Variants in DNAJC1 observed in about 807,000 individuals in gnomAD.
DNAJC1 encodes the protein DnaJ heat shock protein family (Hsp40) member C1.
DNAJC1 carries 58 observed loss-of-function variants against 76.6 expected under a neutral mutation model. The ratio of observed to expected loss-of-function variants is 0.76; its 90% CI spans 0.61 to 0.94. The LOEUF is 0.94. DNAJC1 is among the 40% of genes least tolerant of loss of function. DNAJC1 has a pLI of 0.00. For missense variants in DNAJC1, 689 were observed against 677.3 expected (o/e 1.02, Z -0.19); for synonymous variants, 258 against 267.9 (o/e 0.96, Z 0.36).
intron 8 of DNAJC1, among the ~76,000 whole-genome samples, chr10:21,874,888 T>C (rs1836159278): frequency 1.3e-5 from 2 of 151,814 alleles, no homozygotes; most frequent in South Asian, 4.2e-4. Context: ...TTTGTTTTTT[T>C]GTGTGTGTGT....
intron 5 of DNAJC1, among the ~76,000 whole-genome samples, chr10:21,919,602 A>AG (rs991033160): frequency 1.1e-4 from 16 of 151,938 alleles, no homozygotes; most frequent in African/African-American, 3.6e-4. Flanking sequence ...GAAGAATTTG[A>AG]GGGATTATTT....
At chr10:21,775,892 T>C (rs1355504871) in intron 9 of DNAJC1, among the ~76,000 whole-genome samples, 2 of 152,088 alleles carry the variant, frequency 1.3e-5, no homozygotes, top group Non-Finnish European at 2.9e-5. Context: ...TTTTGGACAG[T>C]CCAATGTGTA....
intron 9 of DNAJC1, among the ~76,000 whole-genome samples, chr10:21,786,610 C>T (rs1409125050): frequency 6.6e-6 from 1 of 151,724 alleles, no homozygotes; most frequent in East Asian, 1.9e-4. Context: ...CTCAGCCTCC[C>T]GCGTAGCAGG....
chr10:21,847,930 G>C (rs1390220605), intron 8 of DNAJC1, among the ~76,000 whole-genome samples: 1 of 152,050 alleles, frequency 6.6e-6, no homozygotes, highest in Admixed American at 6.6e-5. Context: ...TGGGCATGCA[G>C]GTATCACTTT....
At chr10:21,882,828 T>C (rs1018167175) in intron 7 of DNAJC1, among the ~76,000 whole-genome samples, 1 of 152,184 alleles carries the variant, frequency 6.6e-6, no homozygotes, top group South Asian at 2.1e-4. Context: ...CTTTCTCATC[T>C]ATAAAAAAAA....
chr10:21,992,552 C>CA (rs1306694321), intron 1 of DNAJC1, among the ~76,000 whole-genome samples: 82 of 136,672 alleles, frequency 6.0e-4, no homozygotes, highest in Middle Eastern at 3.6e-3. Context: ...GACTCCATTT[C>CA]AAAAAAAAAA....
intron 8 of DNAJC1, among the ~76,000 whole-genome samples, chr10:21,808,035 G>A (rs543994393): frequency 6.6e-6 from 1 of 152,100 alleles, no homozygotes; most frequent in Non-Finnish European, 1.5e-5. Flanking sequence ...AAAGACTTAA[G>A]TTTTAGGCAG....
At chr10:21,910,548 G>A (rs1331903017) in intron 6 of DNAJC1, among the ~76,000 whole-genome samples, 1 of 151,970 alleles carries the variant, frequency 6.6e-6, no homozygotes, top group Non-Finnish European at 1.5e-5. Context: ...TAAGAAACAA[G>A]GGCATTAAAC....
At chr10:21,945,941 C>T (rs1837497419) in intron 1 of DNAJC1, among the ~76,000 whole-genome samples, 1 of 146,720 alleles carries the variant, frequency 6.8e-6, no homozygotes, top group Non-Finnish European at 1.5e-5. Context: ...TCATAAATTC[C>T]AACTTTATAC....
chr10:21,845,333 C>T lies in DNAJC1; in HGVS notation c.978+36949G>A, dbSNP rs867941497. Among the ~76,000 whole-genome samples the T allele has an allele frequency of 5.3e-5, 8 of 149,668 alleles. No individual in the cohort carries two copies. In the South Asian group the frequency reaches 1.5e-3, roughly 28 times the overall value. On this transcript the variant is annotated intron_variant, in intron 8 of 11. Coordinates refer to ENST00000376980, the MANE Select transcript of DNAJC1 (RefSeq NM_022365.4). Reference sequence around the variant, plus strand: ...ACACTAAAATTCCTAACTATGTCTGCATAAACTACATAAAAATTAGAACTT... The same window carrying T: ...ACACTAAAATTCCTAACTATGTCTGTATAAACTACATAAAAATTAGAACTT...
intron 8 of DNAJC1, among the ~76,000 whole-genome samples, chr10:21,871,067 C>A (rs1005289198): frequency 4.6e-5 from 7 of 152,102 alleles, no homozygotes; most frequent in Non-Finnish European, 1.0e-4. Flanking sequence ...TAACTTAAAA[C>A]TAGCCTTATG....
chr10:21,923,443 C>T (rs927565165), intron 3 of DNAJC1, among the ~76,000 whole-genome samples: 2 of 151,916 alleles, frequency 1.3e-5, no homozygotes, highest in Non-Finnish European at 2.9e-5. Flanking sequence ...TAAAACATCA[C>T]TGTATTAGGC....
chr10:21,849,230 T>C (rs745688927), intron 8 of DNAJC1, among the ~76,000 whole-genome samples: 1 of 134,814 alleles, frequency 7.4e-6, no homozygotes, highest in Admixed American at 8.7e-5. Context: ...AAGTCAGAGG[T>C]TGCAGTGAGC....
chr10:21,896,494 G>A (rs549193531), intron 7 of DNAJC1, among the ~76,000 whole-genome samples: 73 of 151,962 alleles, frequency 4.8e-4, no homozygotes, highest in African/African-American at 1.6e-3. Flanking sequence ...ATTTTATGCC[G>A]GTCCCATCAT....
At chr10:21,991,518 T>C (rs945197672) in intron 1 of DNAJC1, among the ~76,000 whole-genome samples, 2 of 152,092 alleles carry the variant, frequency 1.3e-5, no homozygotes, top group Non-Finnish European at 2.9e-5. Flanking sequence ...GCTAGCACAA[T>C]TGGAACAACC....
chr10:21,811,955 C>T (rs1377791695), intron 8 of DNAJC1, among the ~76,000 whole-genome samples: 3 of 152,170 alleles, frequency 2.0e-5, no homozygotes, highest in Non-Finnish European at 4.4e-5. Context: ...TGTTCCACAT[C>T]CTTACCAACA....
intron 1 of DNAJC1, among the ~76,000 whole-genome samples, chr10:21,986,933 A>G (rs577132632): frequency 6.6e-6 from 1 of 152,064 alleles, no homozygotes. Flanking sequence ...ACACCCAACA[A>G]TTTTTTGTAT....
chr10:21,854,748 C>G (rs900732890), intron 8 of DNAJC1, among the ~76,000 whole-genome samples: 3 of 152,070 alleles, frequency 2.0e-5, no homozygotes, highest in African/African-American at 7.2e-5. Context: ...ATAAGATACA[C>G]TTATAATTAG....
intron 1 of DNAJC1, among the ~76,000 whole-genome samples, chr10:21,970,984 C>T (rs1047503657): frequency 6.6e-6 from 1 of 151,856 alleles, no homozygotes; most frequent in Admixed American, 6.6e-5. Flanking sequence ...TATATGTATA[C>T]ACTATGAAAT....
Sources: gnomAD v4.1 joint callset for allele counts (sites outside exome capture counted in the v4.1 genomes callset) on GRCh38, gnomAD v4.1.1 for gene constraint, MANE v1.5 for transcripts, NCBI Gene and HGNC (gene_info 2026-07-23, HGNC 2026-07-21) for gene names.